CDCP2: variants seen among roughly 807,000 people sequenced by gnomAD.
CDCP2 encodes CUB domain-containing protein 2.
Under a neutral mutation model 31.0 loss-of-function variants are expected in CDCP2, and 31 were observed. The observed-to-expected ratio is 1.00, with a 90% CI of 0.75 to 1.35. The LOEUF (loss-of-function observed/expected upper bound fraction) is 1.35. CDCP2 is among the 40% of genes most tolerant of loss of function. The pLI, the probability that CDCP2 is intolerant of heterozygous loss-of-function variation, is 0.00. For synonymous variants in CDCP2, 206 were observed against 207.9 expected (o/e 0.99, Z 0.08); for missense variants, 443 against 482.6 (o/e 0.92, Z 0.77).
chr1:54,149,164 G>A (rs1427649463), intron 1 of CDCP2, among the ~76,000 whole-genome samples: 6 of 151,452 alleles, frequency 4.0e-5, no homozygotes, highest in East Asian at 3.9e-4. Context: ...CCAGGAGTTC[G>A]AGGCTGCAGT....
intron 4 of CDCP2, chr1:54,138,373 G>C (rs1659297159): frequency 6.6e-6 from 1 of 152,276 alleles, no homozygotes; most frequent in Non-Finnish European, 1.5e-5. Flanking sequence ...TCCCACCCCA[G>C]CTTGCATGTG....
At chr1:54,133,738 T>C (rs181709927) in intron 5 of CDCP2, among the ~76,000 whole-genome samples, 148 of 151,636 alleles carry the variant, frequency 9.8e-4, no homozygotes, top group African/African-American at 3.4e-3. Flanking sequence ...CTACTAAAAA[T>C]ACAAAAAATT....
chr1:54,148,667 C>A (rs912430232), intron 1 of CDCP2, among the ~76,000 whole-genome samples: 1 of 151,576 alleles, frequency 6.6e-6, no homozygotes, highest in African/African-American at 2.4e-5. Context: ...GTGGGAAGTT[C>A]TATAAGATAA....
intron 1 of CDCP2, among the ~76,000 whole-genome samples, 179 bp downstream of exon 1, chr1:54,152,665 C>T (rs1443310648): frequency 4.6e-5 from 7 of 152,202 alleles, no homozygotes; most frequent in Admixed American, 1.3e-4. Context: ...ATGCAACACA[C>T]GGCAGGCACT....
intron 4 of CDCP2, 137 bp downstream of exon 4, chr1:54,139,616 A>G (rs1659320408): frequency 1.2e-6 from 2 of 1,602,572 alleles, no homozygotes; most frequent in Non-Finnish European, 1.7e-6. Flanking sequence ...GGTGTAGCCA[A>G]TGGAGAAGGA....
intron 4 of CDCP2, chr1:54,139,207 G>C (rs924800867): frequency 3.6e-6 from 1 of 279,220 alleles, no homozygotes; most frequent in African/African-American, 2.2e-5. Flanking sequence ...CAGCCATCTT[G>C]CAGCTGTGAG....
Position 54,148,974 on chromosome 1 carries a change from A to AAAAT in CDCP2, c.79+3869_79+3870insATTT, listed in dbSNP as rs1553174439. ...GAACAAATGAATTGTTTAAAAAAAA[A>AAAAT]ATATATATATATATAATATATAATA... On this transcript the variant is annotated intron_variant, in intron 1 of 5. Coordinates refer to ENST00000530059, the Ensembl canonical transcript of CDCP2. Among the ~76,000 whole-genome samples, 229 of 146,280 alleles carry AAAAT rather than the reference A, an allele frequency of 1.6e-3. 1 individual carries two copies. Among genetic ancestry groups the AAAAT allele is most frequent in the Non-Finnish European group, 2.7e-3 (179 of 66,954 alleles).
intron 1 of CDCP2, among the ~76,000 whole-genome samples, chr1:54,148,783 C>A (rs1345681291): frequency 6.6e-6 from 1 of 151,386 alleles, no homozygotes; most frequent in Non-Finnish European, 1.5e-5. Context: ...GTAATCCCAG[C>A]ACTTTGGGAG....
chr1:54,147,735 G>A (rs530867668), intron 1 of CDCP2, among the ~76,000 whole-genome samples: 2 of 151,902 alleles, frequency 1.3e-5, no homozygotes, highest in South Asian at 2.1e-4. Context: ...TTGGCTGGCC[G>A]TGATGGCTCA....
In CDCP2 at chr1:54,137,692, T is replaced by TGTGTGTGTGC. The variant is rs1553173560; in HGVS notation, c.1118-885_1118-884insGCACACACAC. ...GTGTGTGTGTGTGTGTGCGTGTGTG[T>TGTGTGTGTGC]GTGTGTGTGTGTGCATGCGGGGGCA... is the stretch of plus-strand genomic sequence containing the variant. On this transcript the variant is annotated intron_variant, in intron 4 of 5. Transcript: ENST00000530059. The TGTGTGTGTGC allele has an allele frequency of 2.3e-3, 331 of 146,198 alleles. 5 individuals carry two copies. Among genetic ancestry groups the TGTGTGTGTGC allele is most frequent in the African/African-American group, 6.3e-3 (248 of 39,254 alleles). 9.1% of individuals were successfully genotyped at this position (146,198 alleles called of 1,614,324 possible). A position where few individuals can be genotyped will look rare whatever the true frequency, so the allele number is the denominator to read the frequency against.
intron 5 of CDCP2, among the ~76,000 whole-genome samples, chr1:54,134,341 C>T (rs188949106): frequency 2.0e-5 from 3 of 152,186 alleles, no homozygotes; most frequent in South Asian, 2.1e-4. Context: ...GAAGAGCCAT[C>T]GAGGAACAAG....
intron 4 of CDCP2, 128 bp downstream of exon 4, chr1:54,139,625 G>A: frequency 6.3e-7 from 1 of 1,587,272 alleles, no homozygotes. Context: ...AATGGAGAAG[G>A]AGCTGGAGAA....
chr1:54,148,711 G>C (rs6671168), intron 1 of CDCP2, among the ~76,000 whole-genome samples: 17,905 of 150,970 alleles, frequency 0.12, 2,190 homozygotes, highest in East Asian at 0.39. Context: ...AAAGATAAAG[G>C]GGGGAAGGAG....
At chr1:54,136,311 A>G (rs905324515) in intron 5 of CDCP2, among the ~76,000 whole-genome samples, 4 of 152,208 alleles carry the variant, frequency 2.6e-5, no homozygotes, top group African/African-American at 9.6e-5. Context: ...ACCCTGTAGC[A>G]GGAGTGACCG....
At chr1:54,142,837 G>C (rs1283037569) in intron 2 of CDCP2, 1 of 152,204 alleles carries the variant, frequency 6.6e-6, no homozygotes, top group Non-Finnish European at 1.5e-5. Flanking sequence ...CAGCCCCCTG[G>C]AGCACCTGCT....
intron 1 of CDCP2, among the ~76,000 whole-genome samples, chr1:54,147,274 G>GTTGCT (rs1240606512): frequency 6.6e-6 from 1 of 151,774 alleles, no homozygotes; most frequent in African/African-American, 2.4e-5. Flanking sequence ...TATTTTAGAG[G>GTTGCT]TTGCTAGGCA....
rs66812916 is a variant in CDCP2 at position 54,139,647 on chromosome 1, G to GC, written c.1117+105_1117+106insG. ...AAGGAGCTGGAGAAGACCATTCATG[G>GC]GGGGGGCAGGACAAACTGGTGGGAT... On this transcript the variant is annotated intron_variant, in intron 4 of 5. Coordinates refer to ENST00000530059, the Ensembl canonical transcript of CDCP2. 88 of 1,222,998 alleles carry GC rather than the reference G, an allele frequency of 7.2e-5. No homozygotes were observed. The Admixed American group carries it at 9.0e-4, about 12-fold the overall frequency. The allele number at this position is 1,222,998 out of a possible 1,614,324, so 75.8% of individuals were successfully genotyped here.
intron 1 of CDCP2, among the ~76,000 whole-genome samples, chr1:54,150,817 A>G (rs190229021): frequency 1.2e-4 from 18 of 152,272 alleles, no homozygotes; most frequent in African/African-American, 4.3e-4. Context: ...TGTCACTTGC[A>G]ACCAAAAGCA....
chr1:54,139,753 C>T (rs139868539), exon 4 of CDCP2: 1 of 1,614,242 alleles, frequency 6.2e-7, no homozygotes, highest in African/African-American at 1.3e-5. Context: ...CCCAGCTGAC[C>T]TCCGATGTAG....
Sources: allele counts gnomAD v4.1 joint callset (sites outside exome capture counted in the v4.1 genomes callset), GRCh38; gene constraint gnomAD v4.1.1; transcripts MANE v1.5; gene names NCBI Gene and HGNC (gene_info 2026-07-23, HGNC 2026-07-21).